SPAG17: variants seen among roughly 807,000 people sequenced by gnomAD.
The protein encoded by SPAG17 is sperm-associated antigen 17.
In SPAG17, 169 loss-of-function variants were observed where a neutral mutation model predicts 273.6. The observed-to-expected ratio is 0.62, with a 90% confidence interval of 0.55 to 0.70. SPAG17 has a LOEUF of 0.70. SPAG17 is among the 30% of genes least tolerant of loss of function. SPAG17 has a pLI of 0.00. For missense variants in SPAG17, 2,557 were observed against 2,627.8 expected, an observed-to-expected ratio of 0.97 and a Z score of 0.59; for synonymous variants, 825 against 873.2, an observed-to-expected ratio of 0.94 and a Z score of 0.97.
rs1201912068 is a variant in SPAG17 at position 118,147,056 on chromosome 1, T to C, written c.315+3487A>G. ...TCAAGAACTTCACTATTTTCTGCAT[T>C]GTGTTATTCACTTACGCAGCAACTA... On this transcript the variant is annotated intron_variant, in intron 3 of 48. Transcript: ENST00000336338. 2.0e-5 allele frequency among the ~76,000 whole-genome samples: 3 copies of C among 152,220 alleles called. No homozygotes were observed. The East Asian group carries it at 5.8e-4, about 29-fold the overall frequency.
At chr1:118,155,723 TAAC>T (rs1659615660) in intron 1 of SPAG17, among the ~76,000 whole-genome samples, 1 of 152,234 alleles carries the variant, frequency 6.6e-6, no homozygotes, top group African/African-American at 2.4e-5. Context: ...AAGAGCTACT[TAAC>T]ACTGTACAGA....
At chr1:118,122,333 T>C (rs1159917372) in intron 3 of SPAG17, among the ~76,000 whole-genome samples, 1 of 152,236 alleles carries the variant, frequency 6.6e-6, no homozygotes, top group Non-Finnish European at 1.5e-5. Context: ...TGGGGAACTT[T>C]AGCTCCTTTG....
chr1:118,106,989 A>C (rs1031389274), intron 4 of SPAG17, among the ~76,000 whole-genome samples: 1 of 152,192 alleles, frequency 6.6e-6, no homozygotes, highest in Non-Finnish European at 1.5e-5. Flanking sequence ...TGCAGAAAGG[A>C]GGGCGGACTA....
chr1:118,050,037 T>C (rs1313656696), intron 20 of SPAG17, among the ~76,000 whole-genome samples: 1 of 152,122 alleles, frequency 6.6e-6, no homozygotes, highest in African/African-American at 2.4e-5. Context: ...TTAACTGGTA[T>C]ATGACCTTTC....
intron 1 of SPAG17, among the ~76,000 whole-genome samples, chr1:118,159,667 T>TACAA (rs1659816885): frequency 6.6e-6 from 1 of 152,242 alleles, no homozygotes; most frequent in South Asian, 2.1e-4. Context: ...TTGTACCGTG[T>TACAA]AGCCTCTGGC....
intron 1 of SPAG17, among the ~76,000 whole-genome samples, chr1:118,179,022 A>G (rs1456787782): frequency 1.3e-5 from 2 of 152,058 alleles, no homozygotes; most frequent in East Asian, 3.8e-4. Context: ...GAAAATATCC[A>G]TACTATCCAA....
At chr1:118,011,870 C>T (rs1215263228) in intron 30 of SPAG17, among the ~76,000 whole-genome samples, 1 of 151,902 alleles carries the variant, frequency 6.6e-6, no homozygotes, top group African/African-American at 2.4e-5. Flanking sequence ...TTTCTCACAA[C>T]TAAAAATAAG....
intron 28 of SPAG17, among the ~76,000 whole-genome samples, chr1:118,020,034 T>C (rs1195127674): frequency 2.6e-5 from 4 of 152,136 alleles, no homozygotes; most frequent in Non-Finnish European, 4.4e-5. Context: ...AGGTGAAATA[T>C]AAGTGTGGAA....
In SPAG17 at chr1:118,147,320, G is replaced by A. The variant is rs372480119; in HGVS notation, c.315+3223C>T. Among the ~76,000 whole-genome samples the A allele has an allele frequency of 2.4e-4, 37 of 152,238 alleles. No homozygotes were observed. In the South Asian group the frequency reaches 7.3e-3, roughly 30 times the overall value. ...CTACTATATAATGCAGGCAATAAGC[G>A]TATATTTTCAAATGTGTCCATATCC... On this transcript the variant is annotated intron_variant, in intron 3 of 48. Transcript: ENST00000336338.
intron 3 of SPAG17, among the ~76,000 whole-genome samples, chr1:118,137,040 A>G (rs1179825421): frequency 6.6e-6 from 1 of 152,176 alleles, no homozygotes; most frequent in Non-Finnish European, 1.5e-5. Flanking sequence ...AATGTAATAT[A>G]TTAGGCCTTT....
chr1:118,025,564 A>G, intron 26 of SPAG17, 148 bp from the exon 27 acceptor site: 1 of 643,614 alleles, frequency 1.6e-6, no homozygotes, highest in East Asian at 3.1e-5. Context: ...CTGGAGTGCA[A>G]TGGTGCAATC....
At chr1:118,064,927 A>C (rs973667906) in intron 18 of SPAG17, among the ~76,000 whole-genome samples, 12 of 151,978 alleles carry the variant, frequency 7.9e-5, no homozygotes, top group African/African-American at 2.9e-4. Flanking sequence ...TTTTAATTTA[A>C]GAAGTTAAAG....
chr1:117,986,980 A>C (rs933583284), intron 40 of SPAG17, among the ~76,000 whole-genome samples: 4 of 152,178 alleles, frequency 2.6e-5, no homozygotes, highest in East Asian at 1.9e-4. Context: ...CTCTGAAGAC[A>C]CAGATGCACA....
At position 118,073,984 on chromosome 1, in the gene SPAG17, A is replaced by C. The variant is rs374841611; in HGVS notation, c.2272-17T>G. 9.9e-6 allele frequency: 15 copies of C among 1,517,848 alleles called. No homozygotes were observed. The highest frequency in any genetic ancestry group is 1.5e-5 in the African/African-American group (1 of 68,948). 94.0% of individuals were successfully genotyped at this position (1,517,848 alleles called of 1,614,324 possible). A position where few individuals can be genotyped will look rare whatever the true frequency, so the allele number is the denominator to read the frequency against. On this transcript the variant is annotated splice_polypyrimidine_tract_variant and intron_variant, in intron 16 of 48. Transcript: ENST00000336338. Reference sequence around the variant, plus strand: ...CTTGGGTTTCTAAAATATCATAGGAACACAATTTCAGCTTTAATTTGTTTA... The same window carrying C: ...CTTGGGTTTCTAAAATATCATAGGACCACAATTTCAGCTTTAATTTGTTTA...
chr1:118,038,972 G>C (rs1223828902), intron 23 of SPAG17, among the ~76,000 whole-genome samples: 1 of 152,094 alleles, frequency 6.6e-6, no homozygotes, highest in African/African-American at 2.4e-5. Flanking sequence ...TACCGCTCTG[G>C]GTGAGGCATG....
Position 118,028,226 on chromosome 1 carries a change from G to C in SPAG17, c.3730+48C>G, listed in dbSNP as rs763025995. The C allele has an allele frequency of 6.4e-6, 10 of 1,565,746 alleles. No individual in the cohort carries two copies. In the East Asian group the frequency reaches 1.1e-4, roughly 18 times the overall value. On this transcript the variant is annotated intron_variant, in intron 26 of 48. Transcript: ENST00000336338. ...AAATACACAATTTCCTGTTTTCTACGTGACATTTTGCTCCCTGCTTCCCCA... is the reference window on the plus strand; with the variant it reads ...AAATACACAATTTCCTGTTTTCTACCTGACATTTTGCTCCCTGCTTCCCCA...
At chr1:118,003,749 TG>T (rs1390335147) in intron 32 of SPAG17, among the ~76,000 whole-genome samples, 1 of 152,170 alleles carries the variant, frequency 6.6e-6, no homozygotes, top group Non-Finnish European at 1.5e-5. Flanking sequence ...TTCCTTGCGA[TG>T]GGTTTGAACA....
chr1:118,118,360 AG>A (rs987203584), intron 3 of SPAG17, among the ~76,000 whole-genome samples: 3 of 152,142 alleles, frequency 2.0e-5, no homozygotes, highest in Admixed American at 6.5e-5. Flanking sequence ...CTATAGTTAT[AG>A]GGGGGATGAG....
Position 117,994,475 on chromosome 1 carries a change from T to C in SPAG17, c.5109A>G (p.Val1703=), listed in dbSNP as rs998493485. 4 of 1,613,046 alleles carry C rather than the reference T, an allele frequency of 2.5e-6. No homozygotes were observed. Among genetic ancestry groups the C allele is most frequent in the African/African-American group, 1.3e-5 (1 of 74,988 alleles). The change falls in exon 35 of 49, where the codon GTA becomes GTG. Residue 1703 remains valine, a synonymous_variant. Coordinates refer to ENST00000336338, the MANE Select transcript of SPAG17 (RefSeq NM_206996.4). ...RPFHEASPWQ[V]KKEDTIVPPN... is the part of the protein sequence containing the mutation. ...GAGGGACAATTGTATCTTCCTTTTTTACTTGCCATGGTGATGCTTCATGGA... is the reference window on the plus strand; with the variant it reads ...GAGGGACAATTGTATCTTCCTTTTTCACTTGCCATGGTGATGCTTCATGGA...
Sources: allele counts gnomAD v4.1 joint callset (sites outside exome capture counted in the v4.1 genomes callset), GRCh38; gene constraint gnomAD v4.1.1; transcripts MANE v1.5; gene names NCBI Gene and HGNC (gene_info 2026-07-23, HGNC 2026-07-21).